Variants in SCFD2 observed in about 807,000 individuals in gnomAD.
SCFD2 encodes sec1 family domain-containing protein 2.
SCFD2 carries 54 observed loss-of-function variants against 58.9 expected under a neutral mutation model. The observed-to-expected ratio is 0.92, with a 90% CI of 0.74 to 1.15. The LOEUF is 1.15. Among genes scored for constraint, SCFD2 ranks in the 50% most tolerant of loss-of-function variants. The probability of loss-of-function intolerance (pLI) is 0.00; values close to 1 mark genes in which losing one functional copy is unlikely to be tolerated. For missense variants in SCFD2, 805 were observed against 836.6 expected (o/e 0.96, Z 0.47); for synonymous variants, 321 against 335.9 (o/e 0.96, Z 0.49).
intron 5 of SCFD2, among the ~76,000 whole-genome samples, chr4:53,127,562 G>A (rs1355476138): frequency 6.6e-6 from 1 of 152,170 alleles, no homozygotes; most frequent in Non-Finnish European, 1.5e-5. Context: ...ACACAATGGG[G>A]TTGTGAGGCA....
At chr4:52,894,997 G>C (rs575114411) in intron 7 of SCFD2, among the ~76,000 whole-genome samples, 1 of 152,276 alleles carries the variant, frequency 6.6e-6, no homozygotes, top group Admixed American at 6.5e-5. Context: ...CACTTATTTT[G>C]AAACCAGCAT....
intron 5 of SCFD2, among the ~76,000 whole-genome samples, chr4:52,944,770 A>G (rs984407505): frequency 6.6e-6 from 1 of 152,190 alleles, no homozygotes; most frequent in African/African-American, 2.4e-5. Context: ...CATCCCTCTG[A>G]GGAGAGCTAT....
At chr4:53,305,966 C>T (rs954924979) in intron 3 of SCFD2, among the ~76,000 whole-genome samples, 4 of 152,026 alleles carry the variant, frequency 2.6e-5, no homozygotes, top group Non-Finnish European at 5.9e-5. Flanking sequence ...TTATTAATTC[C>T]GTAAACATTT....
At chr4:52,933,011 A>G (rs1453033616) in intron 5 of SCFD2, among the ~76,000 whole-genome samples, 1 of 152,164 alleles carries the variant, frequency 6.6e-6, no homozygotes, top group Non-Finnish European at 1.5e-5. Context: ...AAGAGTAGAA[A>G]TATTCCCCTT....
intron 5 of SCFD2, among the ~76,000 whole-genome samples, chr4:52,969,835 TG>T (rs1721052876): frequency 6.6e-6 from 1 of 152,226 alleles, no homozygotes; most frequent in African/African-American, 2.4e-5. Context: ...TAGCCTCTAC[TG>T]CCTAAGATGA....
chr4:52,965,393 T>C (rs879841665), intron 5 of SCFD2, among the ~76,000 whole-genome samples: 22 of 152,294 alleles, frequency 1.4e-4, no homozygotes, highest in Middle Eastern at 6.8e-3. Context: ...CCAATGCCCA[T>C]TTCCCCCAGC....
chr4:52,877,212 A>G (rs1718494578), intron 8 of SCFD2, among the ~76,000 whole-genome samples: 1 of 152,238 alleles, frequency 6.6e-6, no homozygotes, highest in Non-Finnish European at 1.5e-5. Flanking sequence ...TGGAACAGTA[A>G]GGCCAGCCCT....
rs80320049 is a variant in SCFD2, at chr4:53,056,752, G to T, written c.1561+88581C>A. 7.0e-3 allele frequency among the ~76,000 whole-genome samples: 1,059 copies of T among 152,244 alleles called. 7 individuals carry two copies. The highest frequency in any genetic ancestry group is 0.024 in the African/African-American group (1,018 of 41,554). ...CGACATCCCCCACTCTTCAGTTTTA[G>T]ATCCTTGTATAAATTGGAACACAGT... On this transcript the variant is annotated intron_variant, in intron 5 of 8. Coordinates refer to ENST00000401642, the MANE Select transcript of SCFD2 (RefSeq NM_152540.4).
intron 7 of SCFD2, among the ~76,000 whole-genome samples, chr4:52,896,459 T>C (rs558651486): frequency 2.5e-3 from 379 of 152,312 alleles, no homozygotes; most frequent in Non-Finnish European, 3.9e-3. Flanking sequence ...TTGTCAAAGA[T>C]CAGATAGTTG....
At chr4:53,349,496 T>C (rs1734152585) in intron 2 of SCFD2, among the ~76,000 whole-genome samples, 1 of 152,202 alleles carries the variant, frequency 6.6e-6, no homozygotes, top group Non-Finnish European at 1.5e-5. Flanking sequence ...TCTGACATAT[T>C]GGTCACATCT....
intron 4 of SCFD2, among the ~76,000 whole-genome samples, chr4:53,156,373 C>T (rs1467810140): frequency 1.4e-5 from 2 of 140,980 alleles, no homozygotes; most frequent in Non-Finnish European, 3.0e-5. Context: ...GCACTCCAGC[C>T]TGGGTGACAG....
intron 4 of SCFD2, among the ~76,000 whole-genome samples, chr4:53,214,543 T>A (rs1728745093): frequency 6.6e-6 from 1 of 152,136 alleles, no homozygotes; most frequent in Non-Finnish European, 1.5e-5. Context: ...TTGTAGATTC[T>A]GGATATTAGT....
intron 4 of SCFD2, among the ~76,000 whole-genome samples, chr4:53,205,636 G>A (rs151137330): frequency 0.017 from 2,628 of 152,086 alleles, 102 homozygotes; most frequent in African/African-American, 0.06. Context: ...GAGGTGGGCG[G>A]ATCACGAGGT....
intron 4 of SCFD2, among the ~76,000 whole-genome samples, chr4:53,196,092 G>C (rs1728048809): frequency 6.6e-6 from 1 of 152,108 alleles, no homozygotes. Flanking sequence ...CTGATGTCCA[G>C]ATTCCATTAC....
chr4:53,032,133 T>G (rs1722630676), intron 5 of SCFD2, among the ~76,000 whole-genome samples: 1 of 152,202 alleles, frequency 6.6e-6, no homozygotes, highest in Admixed American at 6.5e-5. Context: ...GGGGCCAATA[T>G]TCAACATTCT....
chr4:53,265,323 T>C (rs1199600549), intron 4 of SCFD2: 4 of 152,076 alleles, frequency 2.6e-5, no homozygotes, highest in African/African-American at 7.2e-5. Flanking sequence ...GAGGATTATG[T>C]TTATTATTAT....
At chr4:53,154,174 T>C (rs11133245) in intron 4 of SCFD2, among the ~76,000 whole-genome samples, 1 of 152,066 alleles carries the variant, frequency 6.6e-6, no homozygotes, top group Non-Finnish European at 1.5e-5. Flanking sequence ...TTTGTGTTTG[T>C]TTGCATTGCT....
chr4:53,198,060 T>C (rs1238462528), intron 4 of SCFD2, among the ~76,000 whole-genome samples: 1 of 152,040 alleles, frequency 6.6e-6, no homozygotes, highest in African/African-American at 2.4e-5. Flanking sequence ...AAATGCAAAG[T>C]CCTCACCATG....
chr4:53,355,070 G>C (rs1046682527), intron 1 of SCFD2, among the ~76,000 whole-genome samples: 1 of 152,198 alleles, frequency 6.6e-6, no homozygotes, highest in Non-Finnish European at 1.5e-5. Flanking sequence ...TTTTATGTGT[G>C]TCAGTGTCAT....
Sources: allele counts gnomAD v4.1 joint callset (sites outside exome capture counted in the v4.1 genomes callset), GRCh38; gene constraint gnomAD v4.1.1; transcripts MANE v1.5; gene names NCBI Gene and HGNC (gene_info 2026-07-23, HGNC 2026-07-21).